RHPN2: variants seen among roughly 807,000 people sequenced by gnomAD.
RHPN2 encodes the protein rhophilin Rho GTPase binding protein 2, also known as rhophilin-2.
RHPN2 carries 40 observed loss-of-function variants against 79.0 expected under a neutral mutation model. The observed-to-expected ratio is 0.51, with a 90% CI of 0.39 to 0.66. The LOEUF (loss-of-function observed/expected upper bound fraction) is 0.66, where lower values mean the gene tolerates loss of function less well. RHPN2 is among the 30% of genes least tolerant of loss of function. The pLI is 0.00. For synonymous variants in RHPN2, 285 were observed against 363.5 expected (o/e 0.78, Z 2.46); for missense variants, 686 against 883.5 (o/e 0.78, Z 2.83).
At chr19:33,046,953 G>T (rs1972147562) in intron 1 of RHPN2, among the ~76,000 whole-genome samples, 1 of 152,004 alleles carries the variant, frequency 6.6e-6, no homozygotes, top group Non-Finnish European at 1.5e-5. Flanking sequence ...CACCTCCTGG[G>T]TTCAAGTGAT....
rs143129937 is a variant in RHPN2, at chr19:33,008,085, A to G, written c.689T>C (p.Ile230Thr). The G allele has an allele frequency of 9.9e-6, 16 of 1,613,674 alleles. No homozygotes were observed. The highest frequency in any genetic ancestry group is 6.7e-5 in the East Asian group (3 of 44,854). ...CGTCTGCCGATCACACCGGGTCCCA[A>G]TCTGGGTGTAGAGGGCCCCAGTGTT... The part of the protein sequence containing the change: ...LFNTGALYTQ[I>T]GTRCDRQTQA... The change falls in exon 7 of 15, where the codon ATT (isoleucine) becomes ACT (threonine). Residue 230 changes from isoleucine to threonine, a missense_variant. Physicochemically the swap from Ile to Thr is moderately conservative, Grantham distance 89. Coordinates refer to ENST00000254260, the MANE Select transcript of RHPN2 (RefSeq NM_033103.5).
chr19:33,032,743 C>T (rs921518263), intron 2 of RHPN2, among the ~76,000 whole-genome samples: 32 of 152,076 alleles, frequency 2.1e-4, no homozygotes, highest in African/African-American at 6.8e-4. Context: ...GGGGTGGGGG[C>T]GGAATCCTCC....
chr19:32,997,981 G>A (rs554746463), intron 10 of RHPN2, among the ~76,000 whole-genome samples: 11 of 152,286 alleles, frequency 7.2e-5, no homozygotes, highest in Admixed American at 2.0e-4. Context: ...AGATCATGGC[G>A]GACCTCACGC....
rs1428704332 is a variant in RHPN2 at position 32,985,769 on chromosome 19, T to C, written c.1800+4745A>G. ...GCCTCAGCCTCCCACATAGCTGGGA[T>C]TGCAGGCATGCACCACCACATCCTG... On this transcript the variant is annotated intron_variant, in intron 14 of 14. Transcript: ENST00000254260. 3.9e-5 allele frequency among the ~76,000 whole-genome samples: 6 copies of C among 152,186 alleles called. No individual in the cohort carries two copies. In the South Asian group the frequency reaches 8.3e-4, roughly 21 times the overall value.
intron 4 of RHPN2, among the ~76,000 whole-genome samples, chr19:33,017,254 A>G (rs1254369944): frequency 6.6e-6 from 1 of 152,004 alleles, no homozygotes; most frequent in Non-Finnish European, 1.5e-5. Context: ...CATGCCTGTA[A>G]TCCCAGCTAC....
Position 32,993,980 on chromosome 19 carries a change from C to G in RHPN2, c.1494G>C (p.Lys498Asn). The G allele has an allele frequency of 1.2e-6, 2 of 1,611,198 alleles. No individual in the cohort carries two copies. Among genetic ancestry groups the G allele is most frequent in the Admixed American group, 1.7e-5 (1 of 59,992 alleles). The change falls in exon 12 of 15, where the codon AAG becomes AAC. Residue 498 changes from lysine to asparagine, a missense_variant. Transcript: ENST00000254260. ...ATGTAGAGAGCATTCAACATACCAG[C>G]TTCTGGAAGAAGTCCGTGACTGTCA... is the stretch of plus-strand genomic sequence containing the variant. ...SKLTVTDFFQ[K>N]LGPLSVFSAN...
chr19:33,026,388 A>C, intron 3 of RHPN2, 116 bp downstream of exon 3: 1 of 1,369,934 alleles, frequency 7.3e-7, no homozygotes, highest in Non-Finnish European at 1.0e-6. Flanking sequence ...CACTTCCGAA[A>C]GTGGGGGCTG....
At chr19:33,007,593 A>G (rs1181245844) in intron 7 of RHPN2, among the ~76,000 whole-genome samples, 6 of 152,144 alleles carry the variant, frequency 3.9e-5, no homozygotes, top group African/African-American at 1.4e-4. Context: ...CTACAGTTTC[A>G]CTATTTGGGA....
intron 1 of RHPN2, among the ~76,000 whole-genome samples, chr19:33,064,289 G>A (rs1385788171): frequency 2.0e-5 from 3 of 152,050 alleles, no homozygotes; most frequent in Non-Finnish European, 4.4e-5. Flanking sequence ...AGCTATAATC[G>A]CGCCACTCTA....
At chr19:33,003,830 T>C (rs929159948) in intron 7 of RHPN2, among the ~76,000 whole-genome samples, 1 of 151,866 alleles carries the variant, frequency 6.6e-6, no homozygotes, top group Non-Finnish European at 1.5e-5. Flanking sequence ...AAGCGGGCAA[T>C]GGGAAGTTAT....
In RHPN2 at chr19:33,021,666, G is replaced by T. The variant is rs201455798; in HGVS notation, c.315-20C>A. The T allele has an allele frequency of 1.9e-6, 3 of 1,603,784 alleles. No individual in the cohort carries two copies. Among genetic ancestry groups the T allele is most frequent in the South Asian group, 1.1e-5 (1 of 90,912 alleles). On this transcript the variant is annotated intron_variant, in intron 3 of 14. Transcript: ENST00000254260. ...GCCTCCCTATGAGGAACACAACAAGGTATGTATGAACACCCCCAACCGGAC... is the reference window on the plus strand; with the variant it reads ...GCCTCCCTATGAGGAACACAACAAGTTATGTATGAACACCCCCAACCGGAC...
chr19:33,033,751 C>T (rs1475175313), intron 2 of RHPN2, among the ~76,000 whole-genome samples: 1 of 141,994 alleles, frequency 7.0e-6, no homozygotes, highest in Non-Finnish European at 1.5e-5. Context: ...ACTTGTAATC[C>T]CACTACTTGG....
chr19:32,985,592 C>T (rs191229835), intron 14 of RHPN2, among the ~76,000 whole-genome samples: 3 of 152,236 alleles, frequency 2.0e-5, no homozygotes, highest in East Asian at 1.9e-4. Flanking sequence ...ACCGATATTG[C>T]GCCAGGGCAA....
At chr19:32,983,281 G>C (rs1214988899) in intron 14 of RHPN2, among the ~76,000 whole-genome samples, 9 of 152,116 alleles carry the variant, frequency 5.9e-5, no homozygotes, top group Admixed American at 5.2e-4. Flanking sequence ...GGGAGGCCAA[G>C]GCGGGCAGAT....
intron 9 of RHPN2, among the ~76,000 whole-genome samples, chr19:33,000,084 C>T (rs1971737072): frequency 6.6e-6 from 1 of 152,086 alleles, no homozygotes; most frequent in Non-Finnish European, 1.5e-5. Flanking sequence ...ATTGCCCAGG[C>T]TGGTCTCAAA....
intron 14 of RHPN2, among the ~76,000 whole-genome samples, chr19:32,981,417 A>AGGAG (rs1555709142): frequency 2.4e-5 from 1 of 42,382 alleles, no homozygotes; most frequent in African/African-American, 1.0e-4. Flanking sequence ...ATAAAAAAAA[A>AGGAG]GGGGGGGGGC....
At position 33,010,679 on chromosome 19, in the gene RHPN2, A is replaced by G. The variant is rs185382424; in HGVS notation, c.593+1000T>C. Among the ~76,000 whole-genome samples, 236 of 148,012 alleles carry G rather than the reference A, an allele frequency of 1.6e-3. 2 individuals carry two copies. Among genetic ancestry groups the G allele is most frequent in the African/African-American group, 5.5e-3 (222 of 40,002 alleles). ...ATTACAGGTGTGAACCACCACGCCC[A>G]GCCTTTTTTTTTCTTGTTTGAAAAA... is the stretch of plus-strand genomic sequence containing the variant. On this transcript the variant is annotated intron_variant, in intron 6 of 14. Transcript: ENST00000254260.
At chr19:32,981,074 C>T (rs966695021) in intron 14 of RHPN2, among the ~76,000 whole-genome samples, 5 of 152,094 alleles carry the variant, frequency 3.3e-5, no homozygotes, top group Non-Finnish European at 5.9e-5. Context: ...ATCCGCCCGT[C>T]TTGGCCTCCC....
rs543375318 is a variant in RHPN2 at position 32,983,045 on chromosome 19, C to A, written c.1801-2789G>T. On this transcript the variant is annotated intron_variant, in intron 14 of 14. Transcript: ENST00000254260. ...CTCTCTCCTCCAGGCACCCTTGCCTCCCAGATCTCTACACACACACACACA... is the reference window on the plus strand; with the variant it reads ...CTCTCTCCTCCAGGCACCCTTGCCTACCAGATCTCTACACACACACACACA... 6.5e-5 allele frequency among the ~76,000 whole-genome samples: 9 copies of A among 137,874 alleles called. No homozygotes were observed. The East Asian group carries it at 2.3e-3, about 35-fold the overall frequency. The allele number at this position is 137,874 out of a possible 152,430, so 90.5% of individuals were successfully genotyped here.
Sources: allele counts gnomAD v4.1 joint callset (sites outside exome capture counted in the v4.1 genomes callset), GRCh38; gene constraint gnomAD v4.1.1; transcripts MANE v1.5; gene names NCBI Gene and HGNC (gene_info 2026-07-23, HGNC 2026-07-21).